Variants in MPND observed in about 807,000 individuals in gnomAD.
MPND encodes the protein MPN domain containing, also known as MPN domain-containing protein.
A neutral mutation model predicts 59.2 loss-of-function variants in MPND; 56 were observed. The observed-to-expected ratio is 0.95, with a 90% confidence interval of 0.76 to 1.18. The LOEUF (loss-of-function observed/expected upper bound fraction) is 1.18. Ranked by LOEUF, MPND falls within the 50% of genes most tolerant of loss-of-function variation. The pLI, the probability that MPND is intolerant of heterozygous loss-of-function variation, is 0.00. For synonymous variants in MPND, 323 were observed against 291.9 expected (o/e 1.11, Z -1.09); for missense variants, 671 against 676.0 (o/e 0.99, Z 0.08).
intron 3 of MPND, among the ~76,000 whole-genome samples, chr19:4,350,665 G>A (rs1428741594): frequency 1.3e-5 from 2 of 152,318 alleles, no homozygotes; most frequent in Admixed American, 1.3e-4. Flanking sequence ...GGGGATGTGG[G>A]AAGGGCAGAT....
At position 4,355,165 on chromosome 19, in the gene MPND, G is replaced by A. The variant is rs374599119; in HGVS notation, c.988G>A (p.Glu330Lys). The change falls in exon 8 of 13, where the codon GAA becomes AAA. Residue 330 changes from glutamate to lysine, a missense_variant. Transcript: ENST00000599840. The part of the protein sequence containing the change: ...LGDAETAAAI[E>K]EEIYQSLFLR... ...GGACGCAGAGACTGCAGCTGCCATC[G>A]AAGAGGAGGTGAGGGGCTACCTGGG... 18 of 1,612,848 alleles carry A rather than the reference G, an allele frequency of 1.1e-5. 1 individual carries two copies. The highest frequency in any genetic ancestry group is 2.7e-5 in the African/African-American group (2 of 74,836).
Position 4,352,924 on chromosome 19 carries a change from G to T in MPND, c.559G>T (p.Glu187Ter). 2 of 1,400,830 alleles carry T rather than the reference G, an allele frequency of 1.4e-6. No homozygotes were observed. Among genetic ancestry groups the T allele is most frequent in the Non-Finnish European group, 1.9e-6 (2 of 1,068,310 alleles). The allele number at this position is 1,400,830 out of a possible 1,614,324, so 86.8% of individuals were successfully genotyped here. ...ESPASEGEEE[E>*]LLMEEEEEDV... ...CCCAGCCAGTGAAGGGGAGGAGGAG[G>T]AGTTGCTGATGGAAGAGGAGGAGGA... The change falls in exon 4 of 13, where the codon GAG (glutamate) becomes TAG (stop). Residue 187 changes from glutamate to a stop codon, truncating the protein, a stop_gained. Transcript: ENST00000599840. LOFTEE classifies it high-confidence loss of function.
intron 2 of MPND, among the ~76,000 whole-genome samples, chr19:4,344,733 T>C (rs1972146041): frequency 6.7e-6 from 1 of 148,508 alleles, no homozygotes; most frequent in Non-Finnish European, 1.5e-5. Flanking sequence ...TAGGTATTAG[T>C]ACTTTTTTTT....
intron 10 of MPND, 95 bp from the exon 11 acceptor site, chr19:4,357,988 C>T (rs910466190): frequency 6.9e-6 from 7 of 1,019,016 alleles, no homozygotes; most frequent in African/African-American, 1.6e-5. Context: ...GGGGTGTGCA[C>T]TCTCCCGTTC....
intron 2 of MPND, among the ~76,000 whole-genome samples, chr19:4,345,472 TGATCAAGACAGA>T (rs1972165226): frequency 1.3e-5 from 2 of 152,154 alleles, no homozygotes; most frequent in Non-Finnish European, 2.9e-5. Context: ...GACACAGCAG[TGATCAAGACAGA>T]CAGACCCTAT....
At position 4,343,977 on chromosome 19, in the gene MPND, C is replaced by A. The variant is rs541923485; in HGVS notation, c.277C>A (p.Leu93Met). Residue 93 changes from leucine (L) to methionine (M), a missense_variant, in exon 2 of 13, where the codon CTG becomes ATG. Leu to Met is a conservative substitution (Grantham distance 15). Coordinates refer to ENST00000599840, the MANE Select transcript of MPND (RefSeq NM_001300862.2). ...DALLEPGAGV[L>M]SIYYLGKKFL... is the part of the protein sequence containing the mutation. Reference sequence around the variant, plus strand: ...GCTGCTGGAGCCTGGCGCCGGGGTGCTGTCCATCTACTACCTGGTGAGCAC... The same window carrying A: ...GCTGCTGGAGCCTGGCGCCGGGGTGATGTCCATCTACTACCTGGTGAGCAC... The A allele has an allele frequency of 7.2e-7, 1 of 1,380,524 alleles. No individual in the cohort carries two copies. The highest frequency in any genetic ancestry group is 9.4e-7 in the Non-Finnish European group (1 of 1,066,440). The allele number at this position is 1,380,524 out of a possible 1,614,324, so 85.5% of individuals were successfully genotyped here.
At chr19:4,350,755 C>G (rs1484645318) in intron 3 of MPND, among the ~76,000 whole-genome samples, 1 of 152,082 alleles carries the variant, frequency 6.6e-6, no homozygotes, top group Non-Finnish European at 1.5e-5. Context: ...AGAGAGGCAG[C>G]TGGGCCCTGA....
chr19:4,352,957 C>T lies in MPND; in HGVS notation c.592C>T (p.Leu198=). The stretch of plus-strand genomic sequence containing the variant: ...GATGGAAGAGGAGGAGGAGGACGTT[C>T]TGGCAGGGGTCTCAGCAGAGGACAA... ...LLMEEEEEDV[L]AGVSAEDKSR... The change falls in exon 4 of 13, where the codon CTG becomes TTG. Residue 198 remains leucine (L), a synonymous_variant. Transcript: ENST00000599840. 1 of 1,402,610 alleles carries T rather than the reference C, an allele frequency of 7.1e-7. No homozygotes were observed. Among genetic ancestry groups the T allele is most frequent in the Non-Finnish European group, 9.3e-7 (1 of 1,069,546 alleles). 86.9% of individuals were successfully genotyped at this position (1,402,610 alleles called of 1,614,324 possible).
At chr19:4,347,515 A>G (rs537878515) in intron 3 of MPND, among the ~76,000 whole-genome samples, 151 of 152,304 alleles carry the variant, frequency 9.9e-4, no homozygotes, top group Admixed American at 2.7e-3. Flanking sequence ...CTGGGATTAC[A>G]AGTGTGAGCC....
chr19:4,359,845 C>T (rs578079798), intron 12 of MPND, 71 bp from the exon 13 acceptor site: 28 of 1,275,774 alleles, frequency 2.2e-5, no homozygotes, highest in Admixed American at 1.9e-4. Context: ...TGGACTTGCA[C>T]GGTGGACTGT....
At chr19:4,344,430 G>T (rs148691632) in intron 2 of MPND, among the ~76,000 whole-genome samples, 640 of 152,328 alleles carry the variant, frequency 4.2e-3, no homozygotes, top group Non-Finnish European at 8.1e-3. Flanking sequence ...GGACACTGAG[G>T]CCCGGAGCTC....
In MPND at chr19:4,358,164, C is replaced by G. The variant is rs2144840924; in HGVS notation, c.1318C>G (p.His440Asp). Residue 440 changes from histidine (H) to aspartate (D), a missense_variant, in exon 11 of 13, where the codon CAC (histidine) becomes GAC (aspartate). Physicochemically the swap from His to Asp is moderately conservative, Grantham distance 81 (BLOSUM62 -1). Coordinates refer to ENST00000599840, the MANE Select transcript of MPND (RefSeq NM_001300862.2). ...QDSFLTNDIL[H>D]EMMLLVEFYK... ...CAGCTTCCTGACCAATGACATCCTT[C>G]ACGAGATGGTGAGCTCGCTGCGGGG... The G allele has an allele frequency of 6.4e-7, 1 of 1,551,304 alleles. No individual in the cohort carries two copies. Among genetic ancestry groups the G allele is most frequent in the Middle Eastern group, 1.7e-4 (1 of 5,990 alleles).
intron 4 of MPND, 170 bp from the exon 5 acceptor site, chr19:4,353,875 C>A: frequency 1.7e-6 from 1 of 586,590 alleles, no homozygotes; most frequent in Non-Finnish European, 3.1e-6. Context: ...GTAACTCAGG[C>A]TGGAGTGCAG....
intron 11 of MPND, 111 bp from the exon 12 acceptor site, chr19:4,359,052 T>A (rs900907790): frequency 5.8e-6 from 4 of 687,034 alleles, no homozygotes. Flanking sequence ...GGTTGGTTTG[T>A]TAGTGATGGG....
intron 1 of MPND, 49 bp from the exon 2 acceptor site, chr19:4,343,659 G>T: frequency 8.3e-7 from 1 of 1,200,952 alleles, no homozygotes; most frequent in Non-Finnish European, 1.0e-6. Flanking sequence ...GCGCGGGGCT[G>T]CAGAGCCGTG....
intron 2 of MPND, among the ~76,000 whole-genome samples, chr19:4,344,680 C>T (rs1041673396): frequency 3.3e-5 from 5 of 151,978 alleles, no homozygotes; most frequent in African/African-American, 4.8e-5. Flanking sequence ...ATGAATAAAG[C>T]CCTCAGCAGG....
At chr19:4,346,021 C>T (rs1568394633) in intron 3 of MPND, 40 bp downstream of exon 3, 4 of 1,559,160 alleles carry the variant, frequency 2.6e-6, no homozygotes, top group Non-Finnish European at 3.5e-6. Flanking sequence ...GCCCAGGTCA[C>T]TGTGGAATGA....
At chr19:4,344,575 C>T (rs1972143403) in intron 2 of MPND, among the ~76,000 whole-genome samples, 1 of 152,126 alleles carries the variant, frequency 6.6e-6, no homozygotes, top group Non-Finnish European at 1.5e-5. Flanking sequence ...CCACCACCCG[C>T]GCAGGGTCAG....
chr19:4,347,443 G>GTT (rs1376362986), intron 3 of MPND: 1 of 153,128 alleles, frequency 6.5e-6, no homozygotes, highest in African/African-American at 2.4e-5. Flanking sequence ...GTTTCACCGT[G>GTT]TTAGCCAGGA....
Sources: allele counts gnomAD v4.1 joint callset (sites outside exome capture counted in the v4.1 genomes callset), GRCh38; gene constraint gnomAD v4.1.1; transcripts MANE v1.5; gene names NCBI Gene and HGNC (gene_info 2026-07-23, HGNC 2026-07-21).